Variants in TEX9 observed in about 807,000 individuals in gnomAD.
TEX9 encodes testis expressed 9.
A neutral mutation model predicts 59.6 loss-of-function variants in TEX9; 74 were observed. The ratio of observed to expected loss-of-function variants is 1.24; its 90% CI spans 1.03 to 1.51. TEX9 has a LOEUF of 1.51. Ranked by LOEUF, TEX9 falls within the 40% of genes most tolerant of loss-of-function variation. The pLI is 0.00. For missense variants in TEX9, 522 were observed against 447.8 expected (o/e 1.17, Z -1.49); for synonymous variants, 186 against 152.2 (o/e 1.22, Z -1.64).
chr15:56,310,027 G>A (rs529728987), intron 1 of TEX9, among the ~76,000 whole-genome samples: 2 of 152,288 alleles, frequency 1.3e-5, no homozygotes, highest in South Asian at 4.1e-4. Flanking sequence ...ATCTTCAGGT[G>A]TTGGCTGAAA....
intron 2 of TEX9, among the ~76,000 whole-genome samples, chr15:56,368,173 A>C (rs545798530): frequency 6.6e-6 from 1 of 152,224 alleles, no homozygotes; most frequent in Admixed American, 6.5e-5. Context: ...CTTAATTCCT[A>C]ATTTGAATGA....
rs998324532 is a variant in TEX9, at chr15:56,344,058, A to T, written c.-106-29383A>T. 3.9e-5 allele frequency among the ~76,000 whole-genome samples: 6 copies of T among 152,328 alleles called. No homozygotes were observed. In the South Asian group the frequency reaches 1.2e-3, roughly 32 times the overall value. On this transcript the variant is annotated intron_variant, in intron 1 of 5. Coordinates refer to the TEX9 transcript ENST00000560827. Reference sequence around the variant, plus strand: ...TGTGGAGAAACTGGAACTCTCTTACACTGCTGGTGAGAATGTAAAATGGTG... The same window carrying T: ...TGTGGAGAAACTGGAACTCTCTTACTCTGCTGGTGAGAATGTAAAATGGTG...
intron 1 of TEX9, among the ~76,000 whole-genome samples, chr15:56,250,603 T>C (rs2043992327): frequency 6.6e-6 from 1 of 152,058 alleles, no homozygotes; most frequent in Non-Finnish European, 1.5e-5. Flanking sequence ...AGAGAACAAG[T>C]AGTAGGAGAT....
intron 1 of TEX9, among the ~76,000 whole-genome samples, chr15:56,244,467 C>T (rs545176658): frequency 2.3e-4 from 35 of 152,218 alleles, no homozygotes; most frequent in African/African-American, 8.2e-4. Flanking sequence ...CGGCCTCCAT[C>T]CCCCTGCAAG....
chr15:56,427,938 C>T (rs77816164), intron 11 of TEX9, among the ~76,000 whole-genome samples, 199 bp downstream of exon 11: 4,188 of 152,030 alleles, frequency 0.028, 192 homozygotes, highest in African/African-American at 0.095. Flanking sequence ...GATATTTTCA[C>T]ATAAGTAAGT....
rs1230017035 is a variant in TEX9 at position 56,394,691 on chromosome 15, G to C, written c.685G>C (p.Val229Leu). The change falls in exon 9 of 13, where the codon GTA becomes CTA. Residue 229 changes from valine (V) to leucine (L), a missense_variant. Coordinates refer to ENST00000352903, the Ensembl canonical transcript of TEX9. The stretch of plus-strand genomic sequence containing the variant: ...TGAAATTCAGAATTTAAAGTCTCAA[G>C]TAAAAAATTTTGAAGAAGATTTTAT... The C allele has an allele frequency of 3.1e-6, 5 of 1,605,258 alleles. No homozygotes were observed. In the African/African-American group the frequency reaches 5.4e-5, roughly 17 times the overall value.
intron 1 of TEX9, among the ~76,000 whole-genome samples, chr15:56,341,802 A>G (rs1480112709): frequency 1.3e-5 from 2 of 152,204 alleles, no homozygotes; most frequent in Non-Finnish European, 2.9e-5. Flanking sequence ...ATATACTCAA[A>G]TACAAAAAAT....
chr15:56,274,960 A>T (rs1391578734), intron 1 of TEX9, among the ~76,000 whole-genome samples: 2 of 152,140 alleles, frequency 1.3e-5, no homozygotes, highest in Non-Finnish European at 2.9e-5. Flanking sequence ...TGAGTTTCAG[A>T]ATAGGTCACT....
chr15:56,422,204 A>C (rs995374679), intron 10 of TEX9, among the ~76,000 whole-genome samples: 3 of 151,462 alleles, frequency 2.0e-5, no homozygotes, highest in African/African-American at 7.3e-5. Context: ...TACATATGTA[A>C]CTAACCTGCA....
At chr15:56,311,089 A>G (rs1227102226) in intron 1 of TEX9, among the ~76,000 whole-genome samples, 1 of 148,342 alleles carries the variant, frequency 6.7e-6, no homozygotes, top group Non-Finnish European at 1.5e-5. Context: ...CTTACAGTGT[A>G]CTTCTCTCCC....
At chr15:56,274,776 A>G (rs573285816) in intron 1 of TEX9, 2 of 152,086 alleles carry the variant, frequency 1.3e-5, no homozygotes, top group East Asian at 3.9e-4. Flanking sequence ...GTTGTGTCAA[A>G]CTTGTCAGGA....
chr15:56,390,866 T>A (rs1431691046), intron 6 of TEX9, among the ~76,000 whole-genome samples: 1 of 152,098 alleles, frequency 6.6e-6, no homozygotes, highest in Non-Finnish European at 1.5e-5. Context: ...AGGCTGGATT[T>A]GACCTAGGAG....
At chr15:56,400,795 A>G (rs948245546) in intron 9 of TEX9, among the ~76,000 whole-genome samples, 3 of 152,222 alleles carry the variant, frequency 2.0e-5, no homozygotes, top group Admixed American at 6.5e-5. Flanking sequence ...TCTCAGCAGA[A>G]ACCCTACAAA....
intron 9 of TEX9, among the ~76,000 whole-genome samples, chr15:56,407,493 T>C (rs1225667498): frequency 6.6e-6 from 1 of 152,216 alleles, no homozygotes; most frequent in Non-Finnish European, 1.5e-5. Context: ...CATAAATTTG[T>C]ACATAATATT....
chr15:56,304,221 T>A (rs1258149286), intron 1 of TEX9, among the ~76,000 whole-genome samples: 1 of 152,196 alleles, frequency 6.6e-6, no homozygotes, highest in Non-Finnish European at 1.5e-5. Context: ...CCTTTCCAAT[T>A]TGGACGCCCT....
At chr15:56,286,414 G>T (rs145731154) in intron 1 of TEX9, among the ~76,000 whole-genome samples, 209 of 152,290 alleles carry the variant, frequency 1.4e-3, no homozygotes, top group Non-Finnish European at 6.3e-4. Flanking sequence ...ACATCATCTT[G>T]TGCCACTAGG....
downstream of TEX9, among the ~76,000 whole-genome samples, chr15:56,449,093 T>C (rs1161321130): frequency 6.6e-6 from 1 of 152,198 alleles, no homozygotes; most frequent in African/African-American, 2.4e-5. Context: ...CATACAATCA[T>C]ATCATCTGTG....
chr15:56,382,247 C>T (rs2047765048), intron 3 of TEX9, among the ~76,000 whole-genome samples: 1 of 152,150 alleles, frequency 6.6e-6, no homozygotes, highest in African/African-American at 2.4e-5. Flanking sequence ...GGGACTCACC[C>T]TTCAAGGGAG....
chr15:56,443,656 C>T (rs2140357210), intron 12 of TEX9: 2 of 1,612,616 alleles, frequency 1.2e-6, no homozygotes, highest in Non-Finnish European at 1.7e-6. Context: ...GAAGCTGTAG[C>T]CTTTTCTCCT....
Sources: gnomAD v4.1 joint callset for allele counts (sites outside exome capture counted in the v4.1 genomes callset) on GRCh38, gnomAD v4.1.1 for gene constraint, MANE v1.5 for transcripts, NCBI Gene and HGNC (gene_info 2026-07-23, HGNC 2026-07-21) for gene names.